Variants in SRPK2 observed in about 807,000 individuals in gnomAD.
SRPK2 encodes the protein SRSF protein kinase 2, also known as SFRS protein kinase 2.
SRPK2 carries 21 observed loss-of-function variants against 90.8 expected under a neutral mutation model. That is an observed-to-expected ratio of 0.23 (90% CI 0.16 to 0.33). The LOEUF is 0.33. Ranked by LOEUF, SRPK2 falls within the 10% of genes least tolerant of loss-of-function variation. The pLI, the probability that SRPK2 is intolerant of heterozygous loss-of-function variation, is 1.00. For synonymous variants in SRPK2, 288 were observed against 311.1 expected (o/e 0.93, Z 0.78); for missense variants, 620 against 869.0 (o/e 0.71, Z 3.60).
chr7:105,190,487 C>T (rs976117755), intron 3 of SRPK2, among the ~76,000 whole-genome samples: 2 of 152,078 alleles, frequency 1.3e-5, no homozygotes, highest in Admixed American at 6.6e-5. Context: ...TCTCTGCATC[C>T]TTTTTTTGTT....
chr7:105,145,880 C>T (rs1804543432), intron 8 of SRPK2, among the ~76,000 whole-genome samples: 1 of 152,150 alleles, frequency 6.6e-6, no homozygotes, highest in African/African-American at 2.4e-5. Context: ...CCCAGGCAGT[C>T]CCAGGAGCCT....
intron 7 of SRPK2, 165 bp downstream of exon 7, chr7:105,160,342 T>G (rs569274887): frequency 5.6e-5 from 24 of 425,434 alleles, no homozygotes; most frequent in Non-Finnish European, 8.9e-5. Flanking sequence ...ACTGACTTAA[T>G]AAGAGTTCAA....
chr7:105,298,421 T>C (rs1360458303), intron 2 of SRPK2, among the ~76,000 whole-genome samples: 1 of 152,186 alleles, frequency 6.6e-6, no homozygotes, highest in Non-Finnish European at 1.5e-5. Context: ...TCTTAACTGT[T>C]AAAAAAGAAA....
At chr7:105,180,137 A>C (rs566337509) in intron 3 of SRPK2, among the ~76,000 whole-genome samples, 1 of 152,238 alleles carries the variant, frequency 6.6e-6, no homozygotes, top group African/African-American at 2.4e-5. Context: ...AAGCAAAAAG[A>C]ACAAAGCAGG....
intron 2 of SRPK2, among the ~76,000 whole-genome samples, chr7:105,312,818 G>A (rs1282814017): frequency 6.6e-6 from 1 of 152,090 alleles, no homozygotes; most frequent in South Asian, 2.1e-4. Context: ...TATCTTTTCT[G>A]TAGAAATGAG....
rs565825196 is a variant in SRPK2 at position 105,117,561 on chromosome 7, T to G, written c.*277A>C. The stretch of plus-strand genomic sequence containing the variant: ...ATTTTTCATTCAAAAAAATGACATT[T>G]GAATGTCACACAACACAAGAAACAA... On this transcript the variant is annotated 3_prime_UTR_variant, in exon 16 of 16. Transcript: ENST00000393651. The G allele has an allele frequency of 4.6e-4, 176 of 383,578 alleles. No homozygotes were observed. The highest frequency in any genetic ancestry group is 7.4e-4 in the Non-Finnish European group (159 of 215,590). The allele number at this position is 383,578 out of a possible 1,614,324, so 23.8% of individuals were successfully genotyped here. A position where few individuals can be genotyped will look rare whatever the true frequency, so the allele number is the denominator to read the frequency against.
rs572282483 is a variant in SRPK2, at chr7:105,326,208, G to GC, written c.71+62439dup. Reference sequence around the variant, plus strand: ...TCATCTCCTCTACTAAGACCACCTGGCCAAGCCACATTACAACCCACCAAC... The same window carrying GC: ...TCATCTCCTCTACTAAGACCACCTGGCCCAAGCCACATTACAACCCACCAAC... On this transcript the variant is annotated intron_variant, in intron 2 of 15. Coordinates refer to ENST00000393651, the MANE Select transcript of SRPK2 (RefSeq NM_182692.3). 2.3e-3 allele frequency among the ~76,000 whole-genome samples: 349 copies of GC among 152,182 alleles called. 1 individual carries two copies. The highest frequency in any genetic ancestry group is 8.1e-3 in the African/African-American group (336 of 41,514).
chr7:105,244,938 G>C, intron 2 of SRPK2: 1 of 1,472,250 alleles, frequency 6.8e-7, no homozygotes, highest in South Asian at 1.2e-5. Flanking sequence ...CGTCCTGGCC[G>C]CCATGAGGAA....
chr7:105,177,278 C>T (rs1209172849), intron 3 of SRPK2, among the ~76,000 whole-genome samples: 2 of 151,924 alleles, frequency 1.3e-5, no homozygotes, highest in African/African-American at 4.8e-5. Context: ...CACTAACCAC[C>T]ACTTTTCTTC....
intron 2 of SRPK2, among the ~76,000 whole-genome samples, chr7:105,378,596 C>A (rs1314078292): frequency 6.6e-6 from 1 of 151,950 alleles, no homozygotes; most frequent in East Asian, 1.9e-4. Context: ...AACCCCATCT[C>A]TACCAAAAAT....
At chr7:105,329,315 G>A (rs1289471662) in intron 2 of SRPK2, among the ~76,000 whole-genome samples, 1 of 152,192 alleles carries the variant, frequency 6.6e-6, no homozygotes, top group East Asian at 1.9e-4. Context: ...GGATAAGGTA[G>A]TTTTGAGAGG....
intron 2 of SRPK2, among the ~76,000 whole-genome samples, chr7:105,231,089 C>T (rs1799369621): frequency 6.6e-6 from 1 of 152,112 alleles, no homozygotes; most frequent in Non-Finnish European, 1.5e-5. Context: ...TTTCACCCTC[C>T]CTCGCCAAGT....
intron 2 of SRPK2, among the ~76,000 whole-genome samples, chr7:105,341,153 C>T (rs1815727191): frequency 6.6e-6 from 1 of 151,040 alleles, no homozygotes; most frequent in African/African-American, 2.4e-5. Context: ...ACCACAAGGT[C>T]AGGAGTTCGA....
At chr7:105,133,867 T>C (rs1802394541) in intron 11 of SRPK2, among the ~76,000 whole-genome samples, 1 of 152,116 alleles carries the variant, frequency 6.6e-6, no homozygotes, top group African/African-American at 2.4e-5. Flanking sequence ...AAGGCAGGTA[T>C]AGGGCCAGCT....
intron 3 of SRPK2, among the ~76,000 whole-genome samples, chr7:105,183,102 G>GAC (rs1793098525): frequency 1.3e-5 from 2 of 152,048 alleles, no homozygotes; most frequent in African/African-American, 4.8e-5. Context: ...TTACAAAGCT[G>GAC]GAATCAAATT....
intron 3 of SRPK2, among the ~76,000 whole-genome samples, chr7:105,195,899 T>C (rs1291979567): frequency 6.6e-6 from 1 of 152,238 alleles, no homozygotes; most frequent in East Asian, 1.9e-4. Flanking sequence ...AGGTCAAGGC[T>C]CTGCCCTTAA....
intron 1 of SRPK2, among the ~76,000 whole-genome samples, chr7:105,395,173 A>AAAAAC (rs892515408): frequency 1.2e-4 from 18 of 151,984 alleles, no homozygotes; most frequent in African/African-American, 3.1e-4. Flanking sequence ...ACTCCATCTC[A>AAAAAC]AAAACAAAAC....
At chr7:105,263,894 C>G (rs1007224404) in intron 2 of SRPK2, among the ~76,000 whole-genome samples, 3 of 152,144 alleles carry the variant, frequency 2.0e-5, no homozygotes, top group Non-Finnish European at 1.5e-5. Flanking sequence ...GAGAAGACAA[C>G]ACAATCAACC....
chr7:105,320,270 C>T (rs1411616957), intron 2 of SRPK2, among the ~76,000 whole-genome samples: 1 of 152,186 alleles, frequency 6.6e-6, no homozygotes, highest in Non-Finnish European at 1.5e-5. Context: ...TTGGAAGATT[C>T]ATATTTTGCT....
Sources: gnomAD v4.1 joint callset for allele counts (sites outside exome capture counted in the v4.1 genomes callset) on GRCh38, gnomAD v4.1.1 for gene constraint, MANE v1.5 for transcripts, NCBI Gene and HGNC (gene_info 2026-07-23, HGNC 2026-07-21) for gene names.